The following FAM151A variants were observed in gnomAD, a reference collection of about 807,000 sequenced individuals.
FAM151A encodes the protein family with sequence similarity 151 member A.
In FAM151A, 41 loss-of-function variants were observed where a neutral mutation model predicts 40.4. The ratio of observed to expected loss-of-function variants is 1.01; its 90% CI spans 0.79 to 1.32. The LOEUF (loss-of-function observed/expected upper bound fraction) is 1.32. Among genes scored for constraint, FAM151A ranks in the 40% most tolerant of loss-of-function variants. The pLI is 0.00. For missense variants in FAM151A, 740 were observed against 740.4 expected (o/e 1.00, Z 0.01); for synonymous variants, 337 against 312.5 (o/e 1.08, Z -0.83).
At chr1:54,610,244 A>C in intron 7 of FAM151A, 168 bp downstream of exon 7, 2 of 1,449,700 alleles carry the variant, frequency 1.4e-6, no homozygotes, top group Non-Finnish European at 1.8e-6. Flanking sequence ...TGCTCTTGAC[A>C]TCACTGTACT....
chr1:54,610,038 T>A, intron 7 of FAM151A, 97 bp from the exon 8 acceptor site: 1 of 1,460,316 alleles, frequency 6.8e-7, no homozygotes, highest in Non-Finnish European at 9.0e-7. Context: ...TATGGGGTCA[T>A]CAAGGACCTT....
At position 54,620,845 on chromosome 1, in the gene FAM151A, C is replaced by CAAAAAAAAAAAA. The variant is rs767625864; in HGVS notation, c.119-850_119-839dup. Among the ~76,000 whole-genome samples, 23 of 12,134 alleles carry CAAAAAAAAAAAA rather than the reference C, an allele frequency of 1.9e-3. 4 individuals are homozygous for CAAAAAAAAAAAA. Among genetic ancestry groups the CAAAAAAAAAAAA allele is most frequent in the Non-Finnish European group, 2.8e-3 (19 of 6,670 alleles). 8.0% of individuals were successfully genotyped at this position (12,134 alleles called of 152,430 possible). On this transcript the variant is annotated intron_variant, in intron 1 of 7. Coordinates refer to ENST00000302250, the MANE Select transcript of FAM151A (RefSeq NM_176782.3). ...CCTGGATGACACAAAGAGACTCTGT[C>CAAAAAAAAAAAA]AAAAAAAAAAAAAAAAAAAAAAAAA...
Position 54,612,624 on chromosome 1 carries a change from C to T in FAM151A, c.662G>A (p.Arg221Lys). 1 of 1,614,120 alleles carries T rather than the reference C, an allele frequency of 6.2e-7. No homozygotes were observed. Among genetic ancestry groups the T allele is most frequent in the Admixed American group, 1.7e-5 (1 of 60,012 alleles). ...TTFYMSTSPNRTYTQAMVEKM... is the reference protein window; with the variant it reads ...TTFYMSTSPNKTYTQAMVEKM... ...CTCCACCATGGCTTGGGTGTACGTC[C>T]TGTTTGGGGACGTGGACATGTAGAA... Residue 221 changes from arginine (R) to lysine (K), a missense_variant, in exon 5 of 8, where the codon AGG becomes AAG. Transcript: ENST00000302250.
rs932502136 is a variant in FAM151A, at chr1:54,612,500, C to T, written c.786G>A (p.Leu262=). ...RAAWPHFSWL[L]SQSERYSLTL... is the part of the protein sequence containing the mutation. ...GTGGTTTTCACCTCTCAGATTGGCT[C>T]AGCAGCCAGCTGAAGTGGGGCCAGG... The change falls in exon 5 of 8, where the codon CTG becomes CTA. Residue 262 remains leucine, a synonymous_variant. Transcript: ENST00000302250. The T allele has an allele frequency of 2.5e-6, 4 of 1,613,704 alleles. No individual in the cohort carries two copies. The highest frequency in any genetic ancestry group is 1.7e-5 in the Admixed American group (1 of 59,986).
rs746664479 is a variant in FAM151A at position 54,619,890 on chromosome 1, T to C, written c.236A>G (p.Lys79Arg). The change falls in exon 2 of 8, where the codon AAG (lysine) becomes AGG (arginine). Residue 79 changes from lysine to arginine, a missense_variant. Physicochemically the swap from Lys to Arg is conservative, Grantham distance 26. Coordinates refer to ENST00000302250, the MANE Select transcript of FAM151A (RefSeq NM_176782.3). The part of the protein sequence containing the change: ...EVTWYHAANS[K>R]KAMTAALNSN... ...GTTCAGGGCAGCTGTCATGGCTTTC[T>C]TGCTGTTGGCTGCGTGGTACCAGGT... 1 of 1,614,052 alleles carries C rather than the reference T, an allele frequency of 6.2e-7. No homozygotes were observed. The highest frequency in any genetic ancestry group is 8.5e-7 in the Non-Finnish European group (1 of 1,180,042).
In FAM151A at chr1:54,609,396, C is replaced by T; in HGVS notation, c.1630G>A (p.Ala544Thr). 6.2e-7 allele frequency: 1 copy of T among 1,614,104 alleles called. No homozygotes were observed. The highest frequency in any genetic ancestry group is 8.5e-7 in the Non-Finnish European group (1 of 1,180,032). ...CTCACAGAGGCATAGTCGCCCCCAG[C>T]TGGGTTGTGCTCCACTGTGACGGTG... is the stretch of plus-strand genomic sequence containing the variant. ...RATVTVEHNP[A>T]GGDYASVRTA... Residue 544 changes from alanine to threonine, a missense_variant, in exon 8 of 8, where the codon GCT (alanine) becomes ACT (threonine). Ala to Thr is a moderately conservative substitution (Grantham distance 58). Transcript: ENST00000302250.
intron 6 of FAM151A, chr1:54,610,955 G>A: frequency 1.0e-6 from 1 of 985,446 alleles, no homozygotes; most frequent in Non-Finnish European, 1.2e-6. Context: ...AATGAATACA[G>A]TGGAGGCCTC....
intron 2 of FAM151A, among the ~76,000 whole-genome samples, chr1:54,616,892 C>G (rs1294261374): frequency 2.6e-5 from 4 of 152,068 alleles, no homozygotes; most frequent in Non-Finnish European, 4.4e-5. Flanking sequence ...CTGATTTTTG[C>G]TATTAGTCTT....
intron 4 of FAM151A, 61 bp downstream of exon 4, chr1:54,614,639 C>A: frequency 6.5e-7 from 1 of 1,527,744 alleles, no homozygotes; most frequent in Non-Finnish European, 8.9e-7. Context: ...GATCCCCATC[C>A]TGTGGTAGGT....
chr1:54,620,844 T>G (rs1569802447), intron 1 of FAM151A, among the ~76,000 whole-genome samples: 1 of 18,024 alleles, frequency 5.5e-5, no homozygotes, highest in Admixed American at 8.7e-4. Flanking sequence ...AGAGACTCTG[T>G]CAAAAAAAAA....
chr1:54,618,337 C>G (rs1257436696), intron 2 of FAM151A, among the ~76,000 whole-genome samples: 1 of 152,082 alleles, frequency 6.6e-6, no homozygotes, highest in Non-Finnish European at 1.5e-5. Context: ...AAACCCATCT[C>G]TACTAAAAAT....
At position 54,609,892 on chromosome 1, in the gene FAM151A, A is replaced by G; in HGVS notation, c.1134T>C (p.Ala378=). The stretch of plus-strand genomic sequence containing the variant: ...TATGAACAATGGGCACGGGGTTTTC[A>G]GCCACAGTTCCCTCGAGGCCAGTGT... ...LLNTGLEGTV[A]ENPVPIVHTP... is the part of the protein sequence containing the mutation. The change falls in exon 8 of 8, where the codon GCT becomes GCC. Residue 378 remains alanine (A), a synonymous_variant. Coordinates refer to ENST00000302250, the MANE Select transcript of FAM151A (RefSeq NM_176782.3). 1 of 1,612,528 alleles carries G rather than the reference A, an allele frequency of 6.2e-7. No individual in the cohort carries two copies. Among genetic ancestry groups the G allele is most frequent in the Non-Finnish European group, 8.5e-7 (1 of 1,179,968 alleles).
chr1:54,622,335 C>T (rs900356567), intron 1 of FAM151A, among the ~76,000 whole-genome samples: 9 of 140,612 alleles, frequency 6.4e-5, no homozygotes, highest in Non-Finnish European at 1.4e-4. Flanking sequence ...AATCCCAGAA[C>T]TTTGGGAGGC....
chr1:54,616,514 C>T (rs1329199022), intron 2 of FAM151A, among the ~76,000 whole-genome samples: 3 of 152,040 alleles, frequency 2.0e-5, no homozygotes, highest in Non-Finnish European at 4.4e-5. Context: ...CTGGAATTTA[C>T]AGGCGTGTGC....
chr1:54,616,265 G>T, intron 2 of FAM151A, 93 bp from the exon 3 acceptor site: 2 of 1,104,738 alleles, frequency 1.8e-6, no homozygotes, highest in Non-Finnish European at 1.3e-6. Context: ...CAGAACATTT[G>T]AGAAATACAG....
chr1:54,621,732 C>T (rs1227284085), intron 1 of FAM151A: 3 of 152,780 alleles, frequency 2.0e-5, no homozygotes, highest in Admixed American at 1.3e-4. Context: ...AAGGCAGAGC[C>T]CTTGAGGCTC....
chr1:54,614,581 G>A (rs2101018265), intron 4 of FAM151A, 119 bp downstream of exon 4: 2 of 1,014,928 alleles, frequency 2.0e-6, no homozygotes, highest in Admixed American at 6.1e-5. Context: ...AGGCTCAGAG[G>A]TGAGGCTATA....
At chr1:54,615,457 C>T (rs1002306314) in intron 3 of FAM151A, among the ~76,000 whole-genome samples, 10 of 151,652 alleles carry the variant, frequency 6.6e-5, no homozygotes, top group Admixed American at 2.0e-4. Context: ...CCTTCAGGTG[C>T]GTGTGTGTGG....
intron 1 of FAM151A, among the ~76,000 whole-genome samples, chr1:54,622,337 T>C (rs1644238447): frequency 6.7e-6 from 1 of 148,372 alleles, no homozygotes; most frequent in Admixed American, 6.7e-5. Context: ...TCCCAGAACT[T>C]TGGGAGGCCA....
Sources: allele counts gnomAD v4.1 joint callset (sites outside exome capture counted in the v4.1 genomes callset), GRCh38; gene constraint gnomAD v4.1.1; transcripts MANE v1.5; gene names NCBI Gene and HGNC (gene_info 2026-07-23, HGNC 2026-07-21).